VAV2: variants seen among roughly 807,000 people sequenced by gnomAD.
The protein encoded by VAV2 is vav guanine nucleotide exchange factor 2, also known as guanine nucleotide exchange factor VAV2.
Under a neutral mutation model 132.5 loss-of-function variants are expected in VAV2, and 67 were observed. The observed-to-expected ratio is 0.51, with a 90% CI of 0.42 to 0.62. VAV2 has a LOEUF of 0.62. Among genes scored for constraint, VAV2 ranks in the 20% least tolerant of loss-of-function variants. The pLI is 0.00. For synonymous variants in VAV2, 492 were observed against 443.5 expected (o/e 1.11, Z -1.37); for missense variants, 938 against 1,153.6 (o/e 0.81, Z 2.71).
chr9:133,945,606 C>A (rs1409534860), intron 1 of VAV2, among the ~76,000 whole-genome samples: 1 of 152,234 alleles, frequency 6.6e-6, no homozygotes, highest in Admixed American at 6.5e-5. Flanking sequence ...GCTGCCCCAC[C>A]AGGAAGGTCA....
intron 2 of VAV2, among the ~76,000 whole-genome samples, chr9:133,936,558 T>C (rs1009187393): frequency 5.9e-5 from 9 of 152,182 alleles, no homozygotes; most frequent in African/African-American, 1.9e-4. Context: ...ATTGCATCTT[T>C]ATGTATAAAA....
intron 4 of VAV2, among the ~76,000 whole-genome samples, chr9:133,816,001 T>C (rs894790534): frequency 2.0e-5 from 3 of 152,210 alleles, no homozygotes; most frequent in African/African-American, 7.2e-5. Flanking sequence ...CATCAGCTTC[T>C]GCTGTTGCCG....
chr9:133,865,561 T>C (rs955500925), intron 2 of VAV2, among the ~76,000 whole-genome samples: 2 of 152,254 alleles, frequency 1.3e-5, no homozygotes, highest in Non-Finnish European at 2.9e-5. Flanking sequence ...TCTATTTAGT[T>C]CTTTTCTCAA....
rs1232623564 is a variant in VAV2, at chr9:133,809,138, T to G, written c.568A>C (p.Lys190Gln). 4.3e-6 allele frequency: 7 copies of G among 1,613,456 alleles called. No homozygotes were observed. The highest frequency in any genetic ancestry group is 5.1e-6 in the Non-Finnish European group (6 of 1,179,802). ...VQQPMIRYMQ[K>Q]MGMTEDDKRN... ...TTGTCATCTTCAGTCATGCCCATTT[T>G]CTAGAGGAGGGAAGGGGGAGTCAGC... Residue 190 changes from lysine (K) to glutamine (Q), a missense_variant and splice_region_variant, in exon 7 of 30, where the codon AAA becomes CAA. Physicochemically the swap from Lys to Gln is moderately conservative, Grantham distance 53. Transcript: ENST00000371850.
chr9:133,770,741 G>A (rs986311822), intron 26 of VAV2, among the ~76,000 whole-genome samples: 5 of 152,292 alleles, frequency 3.3e-5, no homozygotes, highest in East Asian at 1.9e-4. Flanking sequence ...TGACCAGCAC[G>A]GACACTGACT....
chr9:133,788,227 C>A lies in VAV2; in HGVS notation c.1407+127G>T. Reference sequence around the variant, plus strand: ...CCTTCCTGCAGAGCGGAGACGCCCACCCCAACCCACCCGGCCAGCATCAGC... The same window carrying A: ...CCTTCCTGCAGAGCGGAGACGCCCAACCCAACCCACCCGGCCAGCATCAGC... On this transcript the variant is annotated intron_variant, in intron 15 of 29. Transcript: ENST00000371850. The surrounding 1 kb of genome is among the most constrained non-coding windows in gnomAD (Gnocchi z 5.3). The A allele has an allele frequency of 1.4e-6, 1 of 716,336 alleles. No homozygotes were observed. 44.4% of individuals were successfully genotyped at this position (716,336 alleles called of 1,614,324 possible). A position where few individuals can be genotyped will look rare whatever the true frequency, so the allele number is the denominator to read the frequency against.
intron 2 of VAV2, among the ~76,000 whole-genome samples, chr9:133,916,079 G>A (rs999503464): frequency 1.3e-5 from 2 of 151,992 alleles, no homozygotes; most frequent in African/African-American, 4.8e-5. Context: ...AGATACACAC[G>A]TGCACACACG....
chr9:133,777,814 T>C (rs908136849), intron 22 of VAV2, among the ~76,000 whole-genome samples: 4 of 152,162 alleles, frequency 2.6e-5, no homozygotes, highest in African/African-American at 9.7e-5. Context: ...TACATGAATG[T>C]AGGGTCTGGT....
At chr9:133,819,088 A>AC (rs941257670) in intron 4 of VAV2, among the ~76,000 whole-genome samples, 4 of 151,934 alleles carry the variant, frequency 2.6e-5, no homozygotes. Flanking sequence ...ACTACGAGGA[A>AC]CATTCCTTCA....
At chr9:133,808,955 C>T in intron 7 of VAV2, 85 bp downstream of exon 7, 1 of 1,306,802 alleles carries the variant, frequency 7.7e-7, no homozygotes. Context: ...GGCCCTGCCT[C>T]CGGAATGCAC....
At chr9:133,800,790 A>G (rs1332978897) in intron 9 of VAV2, among the ~76,000 whole-genome samples, 3 of 152,190 alleles carry the variant, frequency 2.0e-5, no homozygotes, top group Non-Finnish European at 4.4e-5. Flanking sequence ...TCCTCACACC[A>G]TGCTCTACCG....
At chr9:133,831,817 G>A (rs1028933502) in intron 4 of VAV2, among the ~76,000 whole-genome samples, 1 of 152,232 alleles carries the variant, frequency 6.6e-6, no homozygotes, top group Admixed American at 6.5e-5. Flanking sequence ...GCTCTGGGGG[G>A]CACAGGCTCT....
chr9:133,992,065 G>A lies in VAV2; in HGVS notation c.204+10C>T, dbSNP rs1843041162. The A allele has an allele frequency of 1.3e-6, 2 of 1,543,906 alleles. No homozygotes were observed. Among genetic ancestry groups the A allele is most frequent in the Non-Finnish European group, 1.7e-6 (2 of 1,146,400 alleles). Reference sequence around the variant, plus strand: ...CCTCCCCGGGGCCCTCCCGCCCGCCGGGCGCTCACCTGGGACATCTGCGGC... The same window carrying A: ...CCTCCCCGGGGCCCTCCCGCCCGCCAGGCGCTCACCTGGGACATCTGCGGC... On this transcript the variant is annotated intron_variant, in intron 1 of 29. Coordinates refer to ENST00000371850, the MANE Select transcript of VAV2 (RefSeq NM_001134398.2). The surrounding 1 kb of genome is among the most constrained non-coding windows in gnomAD (Gnocchi z 5.5).
chr9:133,761,994 T>TG lies in VAV2; in HGVS notation c.*2067dup, dbSNP rs376663140. 9.7e-3 allele frequency: 1,478 copies of TG among 152,632 alleles called. 17 individuals carry two copies. The highest frequency in any genetic ancestry group is 0.034 in the African/African-American group (1,401 of 41,534). The allele number at this position is 152,632 out of a possible 1,614,324, so 9.5% of individuals were successfully genotyped here. A position where few individuals can be genotyped will look rare whatever the true frequency, so the allele number is the denominator to read the frequency against. ...GTGTCCATTTGGGGTTCCCGCCAGCTGGGGGGGCCCCCAGATCCCTGACCC... is the reference window on the plus strand; with the variant it reads ...GTGTCCATTTGGGGTTCCCGCCAGCTGGGGGGGGCCCCCAGATCCCTGACCC... On this transcript the variant is annotated 3_prime_UTR_variant, in exon 30 of 30. Coordinates refer to ENST00000371850, the MANE Select transcript of VAV2 (RefSeq NM_001134398.2).
At chr9:133,970,060 C>G (rs2132253520) in intron 1 of VAV2, among the ~76,000 whole-genome samples, 1 of 152,262 alleles carries the variant, frequency 6.6e-6, no homozygotes, top group East Asian at 1.9e-4. Flanking sequence ...GCTGCTCCTG[C>G]CATCCTGGTC....
At chr9:133,965,832 C>T (rs60006116) in intron 1 of VAV2, among the ~76,000 whole-genome samples, 1 of 152,198 alleles carries the variant, frequency 6.6e-6, no homozygotes, top group East Asian at 1.9e-4. Context: ...CAAAGCAATC[C>T]TGAACAAAAA....
At chr9:133,967,312 C>A (rs927266902) in intron 1 of VAV2, among the ~76,000 whole-genome samples, 1 of 152,086 alleles carries the variant, frequency 6.6e-6, no homozygotes, top group Admixed American at 6.6e-5. Flanking sequence ...CTGGTCAGAA[C>A]GTAGACTAAT....
At chr9:133,810,282 C>T in intron 5 of VAV2, 77 bp from the exon 6 acceptor site, 6 of 1,600,212 alleles carry the variant, frequency 3.7e-6, no homozygotes. Context: ...GGGCCTGGGA[C>T]ATCAGGAACG....
At position 133,857,479 on chromosome 9, in the gene VAV2, C is replaced by T. The variant is rs1191445877; in HGVS notation, c.380+3895G>A. ...TTGTGAAAATGATTTTTTGAAGGAGCACGTTGGGCTCCTACCCAGCCATGA... is the reference window on the plus strand; with the variant it reads ...TTGTGAAAATGATTTTTTGAAGGAGTACGTTGGGCTCCTACCCAGCCATGA... On this transcript the variant is annotated intron_variant, in intron 3 of 29. Coordinates refer to ENST00000371850, the MANE Select transcript of VAV2 (RefSeq NM_001134398.2). The surrounding 1 kb of genome is among the most constrained non-coding windows in gnomAD (Gnocchi z 4.0). Among the ~76,000 whole-genome samples, 1 of 152,168 alleles carries T rather than the reference C, an allele frequency of 6.6e-6. No homozygotes were observed. The highest frequency in any genetic ancestry group is 1.5e-5 in the Non-Finnish European group (1 of 68,024).
Sources: allele counts gnomAD v4.1 joint callset (sites outside exome capture counted in the v4.1 genomes callset), GRCh38; gene constraint gnomAD v4.1.1; non-coding constraint Gnocchi (gnomAD v3.1); transcripts MANE v1.5; gene names NCBI Gene and HGNC (gene_info 2026-07-23, HGNC 2026-07-21).